ICAM5: variants seen among roughly 807,000 people sequenced by gnomAD.
ICAM5 encodes intercellular adhesion molecule 5.
A neutral mutation model predicts 78.8 loss-of-function variants in ICAM5; 38 were observed. That is an observed-to-expected ratio of 0.48 (90% confidence interval 0.37 to 0.63). The LOEUF is 0.63. Among genes scored for constraint, ICAM5 ranks in the 30% least tolerant of loss-of-function variants. The probability of loss-of-function intolerance (pLI) is 0.00; values close to 1 mark genes in which losing one functional copy is unlikely to be tolerated. For synonymous variants in ICAM5, 544 were observed against 590.9 expected (o/e 0.92, Z 1.15); for missense variants, 1,059 against 1,303.0 (o/e 0.81, Z 2.88).
Position 10,294,266 on chromosome 19 carries a change from C to T in ICAM5, c.1938C>T (p.Asn646=). ...TGGCACCCGGTATCTACGTCTGCAA[C>T]GCCACCAACCGCCACGGCTCCGTGG... ...RVLAPGIYVC[N]ATNRHGSVAK... The change falls in exon 8 of 11, where the codon AAC becomes AAT. Residue 646 remains asparagine (N), a synonymous_variant. Coordinates refer to ENST00000221980, the MANE Select transcript of ICAM5 (RefSeq NM_003259.4). The surrounding 1 kb of genome is among the most constrained non-coding windows in gnomAD (Gnocchi z 7.7). The T allele has an allele frequency of 1.9e-6, 3 of 1,613,510 alleles. No individual in the cohort carries two copies. The highest frequency in any genetic ancestry group is 2.5e-6 in the Non-Finnish European group (3 of 1,179,932).
In ICAM5 at chr19:10,290,519, G is replaced by A. The variant is rs2040162694; in HGVS notation, c.82+394G>A. The A allele has an allele frequency of 4.6e-6, 1 of 218,734 alleles. No individual in the cohort carries two copies. Among genetic ancestry groups the A allele is most frequent in the East Asian group, 1.1e-4 (1 of 9,446 alleles). 13.5% of individuals were successfully genotyped at this position (218,734 alleles called of 1,614,324 possible). On this transcript the variant is annotated intron_variant, in intron 1 of 10. Coordinates refer to ENST00000221980, the MANE Select transcript of ICAM5 (RefSeq NM_003259.4). The surrounding 1 kb of genome is among the most constrained non-coding windows in gnomAD (Gnocchi z 5.7). ...ACCCTGACTCAGAGGCGCTGTTCCC[G>A]CTCCACCCAGAGCCCTGGCAACCGG...
Position 10,295,372 on chromosome 19 carries a change from G to A in ICAM5, c.2257G>A (p.Ala753Thr), listed in dbSNP as rs1282546319. The A allele has an allele frequency of 3.2e-6, 5 of 1,578,582 alleles. No homozygotes were observed. Among genetic ancestry groups the A allele is most frequent in the Non-Finnish European group, 4.3e-6 (5 of 1,165,568 alleles). ...CCGGCCAGTGGTGGCCGAACTTGCT[G>A]CCTCGCCCCCTGGAGGCGTGCGCCC... ...EYRPVVAELAASPPGGVRPGG... is the reference protein window; with the variant it reads ...EYRPVVAELATSPPGGVRPGG... Residue 753 changes from alanine to threonine, a missense_variant, in exon 10 of 11, where the codon GCC becomes ACC. This residue lies in a region of ICAM5 where 135 missense variants were observed against 230.2 expected (regional missense o/e 0.59). Transcript: ENST00000221980.
rs1319540708 is a variant in ICAM5, at chr19:10,294,369, A to G, written c.1991-32A>G. ...AGCAGGGGTGCCCCACGGTCCAGGCACTCCCTGACATCCCCCATGGCTGCT... is the reference window on the plus strand; with the variant it reads ...AGCAGGGGTGCCCCACGGTCCAGGCGCTCCCTGACATCCCCCATGGCTGCT... On this transcript the variant is annotated intron_variant, in intron 8 of 10. Transcript: ENST00000221980. The surrounding 1 kb of genome is among the most constrained non-coding windows in gnomAD (Gnocchi z 7.7). The G allele has an allele frequency of 6.2e-7, 1 of 1,612,528 alleles. No individual in the cohort carries two copies. The highest frequency in any genetic ancestry group is 1.3e-5 in the African/African-American group (1 of 74,816).
At position 10,292,994 on chromosome 19, in the gene ICAM5, G is replaced by T. The variant is rs999914759; in HGVS notation, c.1217-4G>T. The T allele has an allele frequency of 3.1e-6, 5 of 1,610,922 alleles. No homozygotes were observed. In the East Asian group the frequency reaches 1.1e-4, roughly 36 times the overall value. ...GCCTCTGTAACCCCACGCCCTGCCC[G>T]CAGACGCTCCCCGGCTAGACGATTC... On this transcript the variant is annotated splice_polypyrimidine_tract_variant and splice_region_variant and intron_variant, in intron 5 of 10. Transcript: ENST00000221980.
rs761291282 is a variant in ICAM5 at position 10,292,682 on chromosome 19, C to T, written c.1032C>T (p.Cys344=). 1.2e-6 allele frequency: 2 copies of T among 1,610,560 alleles called. No individual in the cohort carries two copies. The highest frequency in any genetic ancestry group is 2.2e-5 in the South Asian group (2 of 90,972). ...AGGGGCAGATGGTGACAGTAACCTG[C>T]GCAGCTGGGGCCCAAGCTCTGGTCA... ...VSEGQMVTVT[C]AAGAQALVTL... Residue 344 remains cysteine (C), a synonymous_variant, in exon 5 of 11, where the codon TGC becomes TGT. Coordinates refer to ENST00000221980, the MANE Select transcript of ICAM5 (RefSeq NM_003259.4).
Position 10,290,811 on chromosome 19 carries a change from C to G in ICAM5, c.83-261C>G. ...CCTTTCCTCTCCTCTACGCCCTCCC[C>G]CCATGCTTTCCCGCCGCTCCATCGG... is the stretch of plus-strand genomic sequence containing the variant. On this transcript the variant is annotated intron_variant, in intron 1 of 10. Coordinates refer to ENST00000221980, the MANE Select transcript of ICAM5 (RefSeq NM_003259.4). The surrounding 1 kb of genome is among the most constrained non-coding windows in gnomAD (Gnocchi z 5.7). 1 of 576,052 alleles carries G rather than the reference C, an allele frequency of 1.7e-6. No homozygotes were observed. The highest frequency in any genetic ancestry group is 3.1e-6 in the Non-Finnish European group (1 of 324,676). 35.7% of individuals were successfully genotyped at this position (576,052 alleles called of 1,614,324 possible).
chr19:10,291,534 C>A lies in ICAM5; in HGVS notation c.398C>A (p.Pro133Gln), dbSNP rs748449966. The A allele has an allele frequency of 1.2e-5, 20 of 1,612,596 alleles. No homozygotes were observed. The highest frequency in any genetic ancestry group is 1.6e-5 in the Non-Finnish European group (19 of 1,179,942). ...CTGATGCCGCTGCCTCCCTGGCAGCCGGTGGGCGAGAACTTCACCCTGAGC... is the reference window on the plus strand; with the variant it reads ...CTGATGCCGCTGCCTCCCTGGCAGCAGGTGGGCGAGAACTTCACCCTGAGC... ...VELMPLPPWQ[P>Q]VGENFTLSCR... The change falls in exon 3 of 11, where the codon CCG becomes CAG. Residue 133 changes from proline to glutamine, a missense_variant. Physicochemically the swap from Pro to Gln is moderately conservative, Grantham distance 76. Around this residue, in one of 3 missense-constraint regions of ICAM5, gnomAD observed 815 missense variants for 952.8 expected, o/e 0.86. Coordinates refer to ENST00000221980, the MANE Select transcript of ICAM5 (RefSeq NM_003259.4).
chr19:10,290,976 C>A lies in ICAM5; in HGVS notation c.83-96C>A. Reference sequence around the variant, plus strand: ...CTTTCCCTGGCTGCAGCCTCTCCTCCTCCTCCCCGCCCTCTGAGAACCCTT... The same window carrying A: ...CTTTCCCTGGCTGCAGCCTCTCCTCATCCTCCCCGCCCTCTGAGAACCCTT... On this transcript the variant is annotated intron_variant, in intron 1 of 10. Coordinates refer to ENST00000221980, the MANE Select transcript of ICAM5 (RefSeq NM_003259.4). The surrounding 1 kb of genome is among the most constrained non-coding windows in gnomAD (Gnocchi z 5.7). 1 of 1,439,026 alleles carries A rather than the reference C, an allele frequency of 6.9e-7. No individual in the cohort carries two copies. The highest frequency in any genetic ancestry group is 9.3e-7 in the Non-Finnish European group (1 of 1,077,736). 89.1% of individuals were successfully genotyped at this position (1,439,026 alleles called of 1,614,324 possible). A position where few individuals can be genotyped will look rare whatever the true frequency, so the allele number is the denominator to read the frequency against.
chr19:10,291,986 A>C (rs1360972685), intron 3 of ICAM5, 49 bp from the exon 4 acceptor site: 1 of 1,581,282 alleles, frequency 6.3e-7, no homozygotes, highest in African/African-American at 1.3e-5. Context: ...AGTGCTTAGG[A>C]CATATTGAGC....
At position 10,290,073 on chromosome 19, in the gene ICAM5, G is replaced by A. The variant is rs1415371990; in HGVS notation, c.30G>A (p.Arg10=). 5.8e-6 allele frequency: 9 copies of A among 1,542,718 alleles called. No homozygotes were observed. The highest frequency in any genetic ancestry group is 7.9e-6 in the Non-Finnish European group (9 of 1,144,642). Residue 10 remains arginine (R), a synonymous_variant, in exon 1 of 11, where the codon CGG becomes CGA. Coordinates refer to ENST00000221980, the MANE Select transcript of ICAM5 (RefSeq NM_003259.4). The surrounding 1 kb of genome is among the most constrained non-coding windows in gnomAD (Gnocchi z 5.7). ...CAGGGCCTTCGCCAGGGCTGCGCCG[G>A]GCGCTACTCGGCCTCTGGGCTGCTC... MPGPSPGLR[R]ALLGLWAALG...
Position 10,296,338 on chromosome 19 carries a change from G to A in ICAM5, c.2498-1G>A. 1 of 1,238,848 alleles carries A rather than the reference G, an allele frequency of 8.1e-7. No individual in the cohort carries two copies. The highest frequency in any genetic ancestry group is 1.0e-6 in the Non-Finnish European group (1 of 983,832). 76.7% of individuals were successfully genotyped at this position (1,238,848 alleles called of 1,614,324 possible). A position where few individuals can be genotyped will look rare whatever the true frequency, so the allele number is the denominator to read the frequency against. On this transcript the variant is annotated splice_acceptor_variant, in intron 10 of 10. Transcript: ENST00000221980. LOFTEE classifies it high-confidence loss of function. Reference sequence around the variant, plus strand: ...CCTCCGCGAGGGTCTCCACCCCGCAGGTCCGTGGCTATGGGTCGCCGTGGG... The same window carrying A: ...CCTCCGCGAGGGTCTCCACCCCGCAAGTCCGTGGCTATGGGTCGCCGTGGG...
chr19:10,295,196 G>T, intron 9 of ICAM5, 150 bp from the exon 10 acceptor site: 1 of 876,596 alleles, frequency 1.1e-6, no homozygotes, highest in East Asian at 2.9e-5. Context: ...CAGCCTGATT[G>T]TCGGGGAAGG....
Position 10,295,419 on chromosome 19 carries a change from C to A in ICAM5, c.2304C>A (p.Thr768=), listed in dbSNP as rs1381838730. Residue 768 remains threonine (T), a synonymous_variant, in exon 10 of 11, where the codon ACC becomes ACA. Coordinates refer to ENST00000221980, the MANE Select transcript of ICAM5 (RefSeq NM_003259.4). ...GCCCAGGAGGAAACTTCACGTTGAC[C>A]TGCCGCGCGGAGGCCTGGCCTCCAG... is the stretch of plus-strand genomic sequence containing the variant. ...GVRPGGNFTL[T]CRAEAWPPAQ... The A allele has an allele frequency of 1.9e-6, 3 of 1,607,754 alleles. No individual in the cohort carries two copies. Among genetic ancestry groups the A allele is most frequent in the African/African-American group, 1.3e-5 (1 of 74,996 alleles).
Position 10,291,124 on chromosome 19 carries a change from G to A in ICAM5, c.135G>A (p.Val45=), listed in dbSNP as rs2040167942. The change falls in exon 2 of 11, where the codon GTG becomes GTA. Residue 45 remains valine (V), a synonymous_variant. Coordinates refer to ENST00000221980, the MANE Select transcript of ICAM5 (RefSeq NM_003259.4). ...WADLQPRVAF[V]ERGGSLWLNC... is the part of the protein sequence containing the mutation. ...ACCTGCAGCCTCGCGTGGCGTTCGT[G>A]GAGCGCGGGGGCTCGCTGTGGCTGA... 6.2e-7 allele frequency: 1 copy of A among 1,612,164 alleles called. No homozygotes were observed. The highest frequency in any genetic ancestry group is 8.5e-7 in the Non-Finnish European group (1 of 1,179,644).
At chr19:10,292,930 T>C (rs942247228) in intron 5 of ICAM5, 64 bp downstream of exon 5, 15 of 1,607,046 alleles carry the variant, frequency 9.3e-6, no homozygotes, top group Non-Finnish European at 1.2e-5. Flanking sequence ...GCCTGCTCCC[T>C]CACCGTGTCG....
chr19:10,294,774 T>C lies in ICAM5; in HGVS notation c.2230+134T>C. 7.1e-7 allele frequency: 1 copy of C among 1,399,230 alleles called. No individual in the cohort carries two copies. Among genetic ancestry groups the C allele is most frequent in the Non-Finnish European group, 9.7e-7 (1 of 1,033,506 alleles). The allele number at this position is 1,399,230 out of a possible 1,614,324, so 86.7% of individuals were successfully genotyped here. A position where few individuals can be genotyped will look rare whatever the true frequency, so the allele number is the denominator to read the frequency against. ...AATTCCAGCCTAAACCAGGGGGTAA[T>C]GAAAATTCTAGCCAGGCGCAGTGGC... On this transcript the variant is annotated intron_variant, in intron 9 of 10. Coordinates refer to ENST00000221980, the MANE Select transcript of ICAM5 (RefSeq NM_003259.4). The surrounding 1 kb of genome is among the most constrained non-coding windows in gnomAD (Gnocchi z 7.7).
rs2040206115 is a variant in ICAM5, at chr19:10,294,622, G to A, written c.2212G>A (p.Val738Ile). ...TNAHGTDSRT[V>I]TVGVEYRPVV... ...TGCGCATGGCACGGACTCCCGGACC[G>A]TCACTGTGGGCGTGGAATGTGAGTG... Residue 738 changes from valine (V) to isoleucine (I), a missense_variant, in exon 9 of 11, where the codon GTC becomes ATC. Transcript: ENST00000221980. This position sits in a 1 kb window ranked among gnomAD's most constrained non-coding sequence, Gnocchi z 7.7. 3.7e-6 allele frequency: 6 copies of A among 1,612,618 alleles called. No individual in the cohort carries two copies. The highest frequency in any genetic ancestry group is 5.1e-6 in the Non-Finnish European group (6 of 1,179,806).
chr19:10,290,213 C>A lies in ICAM5; in HGVS notation c.82+88C>A. ...CGGCCTCCTGTCCCTCCCAGCTCTG[C>A]CCTCGCCTCGCTCCCACGCCTCTGC... On this transcript the variant is annotated intron_variant, in intron 1 of 10. Transcript: ENST00000221980. This position sits in a 1 kb window ranked among gnomAD's most constrained non-coding sequence, Gnocchi z 5.7. 1 of 1,006,784 alleles carries A rather than the reference C, an allele frequency of 9.9e-7. No homozygotes were observed. The highest frequency in any genetic ancestry group is 1.4e-6 in the Non-Finnish European group (1 of 715,106). 62.4% of individuals were successfully genotyped at this position (1,006,784 alleles called of 1,614,324 possible).
chr19:10,294,661 A>C lies in ICAM5; in HGVS notation c.2230+21A>C. The C allele has an allele frequency of 6.2e-7, 1 of 1,612,314 alleles. No homozygotes were observed. Among genetic ancestry groups the C allele is most frequent in the Non-Finnish European group, 8.5e-7 (1 of 1,179,732 alleles). On this transcript the variant is annotated intron_variant, in intron 9 of 10. Coordinates refer to ENST00000221980, the MANE Select transcript of ICAM5 (RefSeq NM_003259.4). This position sits in a 1 kb window ranked among gnomAD's most constrained non-coding sequence, Gnocchi z 7.7. ...GGAATGTGAGTGGGGGCAGCACCGG[A>C]TGGAGGGGACACGGTCCTCGGAAGA...
Sources: allele counts gnomAD v4.1 joint callset, GRCh38; gene constraint gnomAD v4.1.1; regional missense constraint gnomAD v4.1.1; non-coding constraint Gnocchi (gnomAD v3.1); transcripts MANE v1.5; gene names NCBI Gene and HGNC (gene_info 2026-07-23, HGNC 2026-07-21).